The following ACCSL variants were observed in gnomAD, a reference collection of about 807,000 sequenced individuals.
ACCSL encodes the protein probable inactive 1-aminocyclopropane-1-carboxylate synthase-like protein 2.
A neutral mutation model predicts 61.7 loss-of-function variants in ACCSL; 55 were observed. The observed-to-expected ratio is 0.89, with a 90% confidence interval of 0.72 to 1.12. The LOEUF (loss-of-function observed/expected upper bound fraction) is 1.12. Among genes scored for constraint, ACCSL ranks in the 50% most tolerant of loss-of-function variants. ACCSL has a pLI of 0.00. For synonymous variants in ACCSL, 258 were observed against 264.3 expected (o/e 0.98, Z 0.23); for missense variants, 632 against 698.0 (o/e 0.91, Z 1.07).
chr11:43,924,106 C>T, the ACCSL span, among the ~76,000 whole-genome samples: 1 of 152,216 alleles, frequency 6.6e-6, no homozygotes, highest in Non-Finnish European at 1.5e-5. Flanking sequence ...GGGGAGGGAG[C>T]TTACAGAGTA....
At chr11:44,058,896 G>A (rs1952689202) in intron 13 of ACCSL, among the ~76,000 whole-genome samples, 197 bp downstream of exon 13, 1 of 152,092 alleles carries the variant, frequency 6.6e-6, no homozygotes, top group Admixed American at 6.5e-5. Context: ...CCCATTTGGG[G>A]TATCTGTTCT....
chr11:43,926,354 C>T, the ACCSL span: 25 of 327,024 alleles, frequency 7.6e-5, no homozygotes, highest in Admixed American at 3.0e-4. Context: ...CAGTTCTTGA[C>T]GTTTCCTAGC....
At chr11:43,975,563 A>G in the ACCSL span, among the ~76,000 whole-genome samples, 1 of 152,228 alleles carries the variant, frequency 6.6e-6, no homozygotes, top group Non-Finnish European at 1.5e-5. Flanking sequence ...CAGAAGCCCA[A>G]GACAGAGAAG....
chr11:43,958,970 C>T, the ACCSL span, among the ~76,000 whole-genome samples: 1 of 152,140 alleles, frequency 6.6e-6, no homozygotes, highest in East Asian at 1.9e-4. Flanking sequence ...AGGGGATGAA[C>T]ACATGGCAGA....
chr11:44,050,589 T>A lies in ACCSL; in HGVS notation c.602T>A (p.Leu201Ter). The A allele has an allele frequency of 1.2e-6, 2 of 1,614,144 alleles. No individual in the cohort carries two copies. The highest frequency in any genetic ancestry group is 2.2e-5 in the South Asian group (2 of 91,080). ...GACATGAACTGCATTGAGGACACCT[T>A]GCTTCAGTACCCTGATTGGAGAGGG... ...ESDMNCIEDTLLQYPDWRGQP... is the reference protein window; with the variant it reads ...ESDMNCIEDT The change falls in exon 3 of 14, where the codon TTG becomes TAG. Residue 201 changes from leucine to a stop codon, truncating the protein, a stop_gained. Coordinates refer to ENST00000378832, the MANE Select transcript of ACCSL (RefSeq NM_001031854.2). LOFTEE classifies it high-confidence loss of function.
At chr11:43,954,636 G>C in the ACCSL span, among the ~76,000 whole-genome samples, 16 of 151,404 alleles carry the variant, frequency 1.1e-4, no homozygotes, top group Non-Finnish European at 2.2e-4. Flanking sequence ...CCAGGCTGGA[G>C]TGCAATGGTG....
At chr11:44,017,838 A>C in the ACCSL span, among the ~76,000 whole-genome samples, 1 of 151,940 alleles carries the variant, frequency 6.6e-6, no homozygotes, top group Non-Finnish European at 1.5e-5. Context: ...AGAGAGAGAG[A>C]GAGAGAAAGG....
the ACCSL span, among the ~76,000 whole-genome samples, chr11:44,039,815 G>A: frequency 3.3e-5 from 5 of 152,194 alleles, no homozygotes; most frequent in Non-Finnish European, 7.3e-5. Context: ...GGCTGCCTTG[G>A]CCTTGCTTCT....
At chr11:43,994,022 C>T in the ACCSL span, among the ~76,000 whole-genome samples, 1 of 152,278 alleles carries the variant, frequency 6.6e-6, no homozygotes, top group South Asian at 2.1e-4. Flanking sequence ...TTGCAGCGGG[C>T]AGATGAATGT....
the ACCSL span, among the ~76,000 whole-genome samples, chr11:43,983,114 A>G: frequency 2.7e-4 from 41 of 152,320 alleles, 1 homozygote; most frequent in South Asian, 6.2e-4. Flanking sequence ...TGAGCATCAC[A>G]GAGCCCACCC....
chr11:44,028,646 C>A, the ACCSL span, among the ~76,000 whole-genome samples: 1 of 152,176 alleles, frequency 6.6e-6, no homozygotes, highest in Non-Finnish European at 1.5e-5. Flanking sequence ...ACCCAGGGGT[C>A]AGCAGACAAA....
At chr11:43,939,861 C>T in the ACCSL span, among the ~76,000 whole-genome samples, 1 of 152,208 alleles carries the variant, frequency 6.6e-6, no homozygotes, top group Admixed American at 6.5e-5. Flanking sequence ...TCCGCCTTGG[C>T]CTCCCAAAGT....
At chr11:43,934,313 G>A in the ACCSL span, among the ~76,000 whole-genome samples, 1 of 152,028 alleles carries the variant, frequency 6.6e-6, no homozygotes, top group Non-Finnish European at 1.5e-5. Context: ...TGTGTGGAGG[G>A]CCCCCTGGGG....
At chr11:43,952,610 C>T in the ACCSL span, among the ~76,000 whole-genome samples, 4 of 152,158 alleles carry the variant, frequency 2.6e-5, no homozygotes, top group Non-Finnish European at 4.4e-5. Flanking sequence ...AGTCACATAC[C>T]GCCTGCTTGC....
chr11:43,925,208 C>A, the ACCSL span: 1 of 357,932 alleles, frequency 2.8e-6, no homozygotes. Flanking sequence ...GGTGAACTCC[C>A]GTGCACATAC....
the ACCSL span, among the ~76,000 whole-genome samples, chr11:43,989,569 C>T: frequency 1.3e-5 from 2 of 152,242 alleles, no homozygotes; most frequent in African/African-American, 4.8e-5. Flanking sequence ...ACTCCCAGCC[C>T]TTCCCTTCCT....
the ACCSL span, chr11:43,943,602 T>A: frequency 7.6e-6 from 10 of 1,308,062 alleles, no homozygotes; most frequent in Admixed American, 6.9e-5. The surrounding 1 kb of genome is among the most constrained non-coding windows in gnomAD (Gnocchi z 4.8). Flanking sequence ...CTCCATGCCC[T>A]TGTCCGATGG....
At chr11:44,051,264 C>A in intron 3 of ACCSL, 71 bp from the exon 4 acceptor site, 1 of 1,515,162 alleles carries the variant, frequency 6.6e-7, no homozygotes, top group Non-Finnish European at 9.2e-7. Context: ...TTAGGCTGGA[C>A]AATGACCATC....
the ACCSL span, among the ~76,000 whole-genome samples, chr11:43,957,818 G>A: frequency 6.6e-6 from 1 of 152,176 alleles, no homozygotes; most frequent in African/African-American, 2.4e-5. Flanking sequence ...GGGAGGGGGT[G>A]TAACAAGGCA....
Sources: allele counts gnomAD v4.1 joint callset (sites outside exome capture counted in the v4.1 genomes callset), GRCh38; gene constraint gnomAD v4.1.1; non-coding constraint Gnocchi (gnomAD v3.1); transcripts MANE v1.5; gene names NCBI Gene and HGNC (gene_info 2026-07-23, HGNC 2026-07-21).